MYOCD: variants seen among roughly 807,000 people sequenced by gnomAD.
MYOCD encodes the protein myocardin.
A neutral mutation model predicts 96.1 loss-of-function variants in MYOCD; 32 were observed. The ratio of observed to expected loss-of-function variants is 0.33; its 90% CI spans 0.25 to 0.45. MYOCD has a LOEUF of 0.45. MYOCD is among the 20% of genes least tolerant of loss of function. The pLI is 1.00. For synonymous variants in MYOCD, 469 were observed against 469.0 expected, an observed-to-expected ratio of 1.00 and a Z score of 0.00; for missense variants, 1,133 against 1,200.6, an observed-to-expected ratio of 0.94 and a Z score of 0.83.
chr17:12,718,765 G>A (rs2031724751), intron 4 of MYOCD, among the ~76,000 whole-genome samples: 1 of 152,196 alleles, frequency 6.6e-6, no homozygotes, highest in Non-Finnish European at 1.5e-5. Context: ...TCAAAGGGAG[G>A]TGACAGAATT....
intron 9 of MYOCD, among the ~76,000 whole-genome samples, chr17:12,751,281 A>G (rs1245532018): frequency 1.3e-5 from 2 of 151,430 alleles, no homozygotes; most frequent in Non-Finnish European, 2.9e-5. Flanking sequence ...GTTCAAATAT[A>G]TATATGTATA....
chr17:12,748,407 G>T (rs1036468057), intron 9 of MYOCD, among the ~76,000 whole-genome samples: 2 of 152,158 alleles, frequency 1.3e-5, no homozygotes, highest in African/African-American at 4.8e-5. Flanking sequence ...GGTAGGAGAA[G>T]TGGGTTGGAG....
At chr17:12,676,245 G>GCGCACACA (rs1405858806) in intron 1 of MYOCD, among the ~76,000 whole-genome samples, 1 of 145,586 alleles carries the variant, frequency 6.9e-6, no homozygotes, top group East Asian at 2.0e-4. Context: ...GCGCGCGCAC[G>GCGCACACA]CACACACACA....
rs540513828 is a variant in MYOCD at position 12,709,819 on chromosome 17, G to A, written c.121+4626G>A. Among the ~76,000 whole-genome samples the A allele has an allele frequency of 6.6e-5, 10 of 152,180 alleles. No homozygotes were observed. In the East Asian group the frequency reaches 1.7e-3, roughly 26 times the overall value. On this transcript the variant is annotated intron_variant, in intron 2 of 13. Transcript: ENST00000425538. ...CTCCTTCCCTAGACCTATTGGGCCTGTTCATCATTTCTTATGCAAATTTTC... is the reference window on the plus strand; with the variant it reads ...CTCCTTCCCTAGACCTATTGGGCCTATTCATCATTTCTTATGCAAATTTTC...
intron 3 of MYOCD, among the ~76,000 whole-genome samples, chr17:12,716,978 G>A (rs1214971545): frequency 6.7e-5 from 7 of 104,772 alleles, no homozygotes; most frequent in Admixed American, 1.3e-4. Context: ...TGACAGAGAT[G>A]CTGTCTCAAA....
chr17:12,745,905 T>G lies in MYOCD; in HGVS notation c.972-14T>G, dbSNP rs572320110. The G allele has an allele frequency of 8.7e-6, 14 of 1,613,348 alleles. No homozygotes were observed. The South Asian group carries it at 1.5e-4, about 18-fold the overall frequency. On this transcript the variant is annotated splice_polypyrimidine_tract_variant and intron_variant, in intron 8 of 13. Coordinates refer to ENST00000425538, the MANE Select transcript of MYOCD (RefSeq NM_001146312.3). Reference sequence around the variant, plus strand: ...TTTGATTGTACTTGAAATGCCTCTTTGTTTGTTTTTTAGGGAACCAAATGA... The same window carrying G: ...TTTGATTGTACTTGAAATGCCTCTTGGTTTGTTTTTTAGGGAACCAAATGA...
chr17:12,750,011 A>G (rs953928871), intron 9 of MYOCD, among the ~76,000 whole-genome samples: 2 of 151,774 alleles, frequency 1.3e-5, no homozygotes, highest in Non-Finnish European at 1.5e-5. Context: ...CATCATGCCC[A>G]GCTAATTTTT....
chr17:12,681,462 CA>C (rs1326099272), intron 1 of MYOCD, among the ~76,000 whole-genome samples: 5 of 152,326 alleles, frequency 3.3e-5, no homozygotes, highest in African/African-American at 1.2e-4. Context: ...AATAGCTTCG[CA>C]GTGTTCGTGT....
intron 1 of MYOCD, among the ~76,000 whole-genome samples, chr17:12,683,941 C>T (rs538305418): frequency 6.6e-6 from 1 of 152,332 alleles, no homozygotes; most frequent in South Asian, 2.1e-4. Context: ...GTTCACCTTA[C>T]TGGCAAATTC....
At chr17:12,701,391 G>A (rs1294762172) in intron 1 of MYOCD, among the ~76,000 whole-genome samples, 2 of 152,146 alleles carry the variant, frequency 1.3e-5, no homozygotes, top group Non-Finnish European at 2.9e-5. Flanking sequence ...CAGCCTTGGT[G>A]ACAGAGTGAG....
At chr17:12,710,556 G>A (rs1285160450) in intron 2 of MYOCD, 1 of 977,286 alleles carries the variant, frequency 1.0e-6, no homozygotes, top group Non-Finnish European at 1.2e-6. Context: ...CCTGAATTTT[G>A]TGGTACTTCT....
chr17:12,731,209 C>T (rs1707697237), intron 5 of MYOCD, among the ~76,000 whole-genome samples: 1 of 152,192 alleles, frequency 6.6e-6, no homozygotes, highest in Admixed American at 6.5e-5. Flanking sequence ...CACCACGGAG[C>T]CAGGAGACTT....
At chr17:12,728,106 G>A (rs923379312) in intron 5 of MYOCD, among the ~76,000 whole-genome samples, 1 of 152,148 alleles carries the variant, frequency 6.6e-6, no homozygotes. Context: ...TTACATGAAA[G>A]CGATGATTCA....
At position 12,747,265 on chromosome 17, in the gene MYOCD, G is replaced by A. The variant is rs181603661; in HGVS notation, c.1125+1193G>A. Among the ~76,000 whole-genome samples the A allele has an allele frequency of 5.4e-4, 82 of 152,260 alleles. 1 individual carries two copies. The highest frequency in any genetic ancestry group is 1.6e-4 in the Non-Finnish European group (11 of 68,010). The stretch of plus-strand genomic sequence containing the variant: ...CTTTGCTATTGTATGAGACGTGAGT[G>A]GAAAGAGAGAGATGGGCAGGAGAGA... On this transcript the variant is annotated intron_variant, in intron 9 of 13. Coordinates refer to ENST00000425538, the MANE Select transcript of MYOCD (RefSeq NM_001146312.3).
chr17:12,690,549 CAT>C (rs1165409889), intron 1 of MYOCD, among the ~76,000 whole-genome samples: 1 of 151,932 alleles, frequency 6.6e-6, no homozygotes, highest in Non-Finnish European at 1.5e-5. Flanking sequence ...AAAGTAAGAA[CAT>C]ATTGAAAAAA....
At chr17:12,742,683 G>C (rs2032548181) in intron 7 of MYOCD, among the ~76,000 whole-genome samples, 1 of 151,490 alleles carries the variant, frequency 6.6e-6, no homozygotes, top group Admixed American at 6.6e-5. Context: ...CTATTCTACT[G>C]CCTCACCCTC....
In MYOCD at chr17:12,744,191, C is replaced by G. The variant is rs1202518510; in HGVS notation, c.726C>G (p.Ser242=). The G allele has an allele frequency of 6.2e-7, 1 of 1,614,086 alleles. No individual in the cohort carries two copies. Among genetic ancestry groups the G allele is most frequent in the East Asian group, 2.2e-5 (1 of 44,882 alleles). ...IAVHAAVKSK[S]LGDSKNRHKK... ...CCTCATCTTCTTTGCAGTCCAAATC[C>G]TTGGGTGACAGTAAGAACCGCCACA... Residue 242 remains serine (S), a synonymous_variant, in exon 8 of 14, where the codon TCC becomes TCG. Transcript: ENST00000425538.
Position 12,694,772 on chromosome 17 carries a change from G to A in MYOCD, c.56-10356G>A, listed in dbSNP as rs368984445. Among the ~76,000 whole-genome samples the A allele has an allele frequency of 2.4e-4, 36 of 151,000 alleles. No individual in the cohort carries two copies. The South Asian group carries it at 7.3e-3, about 31-fold the overall frequency. On this transcript the variant is annotated intron_variant, in intron 1 of 13. Coordinates refer to ENST00000425538, the MANE Select transcript of MYOCD (RefSeq NM_001146312.3). Reference sequence around the variant, plus strand: ...TGTTTCTTAATGTAATATCAAAGACGTGGCCAAAAATCAACTAGAAAGAAT... The same window carrying A: ...TGTTTCTTAATGTAATATCAAAGACATGGCCAAAAATCAACTAGAAAGAAT...
chr17:12,733,309 CA>C (rs10650455), intron 5 of MYOCD, among the ~76,000 whole-genome samples: 24 of 134,892 alleles, frequency 1.8e-4, no homozygotes, highest in Admixed American at 2.3e-4. Context: ...GACTCCATCT[CA>C]AAAAAAAAAA....
Sources: allele counts gnomAD v4.1 joint callset (sites outside exome capture counted in the v4.1 genomes callset), GRCh38; gene constraint gnomAD v4.1.1; transcripts MANE v1.5; gene names NCBI Gene and HGNC (gene_info 2026-07-23, HGNC 2026-07-21).